ETV1: variants seen among roughly 807,000 people sequenced by gnomAD.
The protein encoded by ETV1 is ETS translocation variant 1.
In ETV1, 27 loss-of-function variants were observed where a neutral mutation model predicts 62.3. The observed-to-expected ratio is 0.43, with a 90% confidence interval of 0.32 to 0.60. The LOEUF is 0.60. ETV1 is among the 20% of genes least tolerant of loss of function. The probability of loss-of-function intolerance (pLI) is 0.06; values close to 1 mark genes in which losing one functional copy is unlikely to be tolerated. For synonymous variants in ETV1, 222 were observed against 199.6 expected, an observed-to-expected ratio of 1.11 and a Z score of -0.94; for missense variants, 605 against 605.8, an observed-to-expected ratio of 1.00 and a Z score of 0.01.
rs554295792 is a variant in ETV1 at position 13,964,933 on chromosome 7, C to A, written c.235+12494G>T. On this transcript the variant is annotated intron_variant, in intron 6 of 13. Coordinates refer to ENST00000430479, the MANE Select transcript of ETV1 (RefSeq NM_004956.5). Reference sequence around the variant, plus strand: ...ATCTTTAAATTAAAGGTGTTGATATCATTAATCTTTATCGTCTCAAGCTGC... The same window carrying A: ...ATCTTTAAATTAAAGGTGTTGATATAATTAATCTTTATCGTCTCAAGCTGC... 5.3e-5 allele frequency among the ~76,000 whole-genome samples: 8 copies of A among 152,140 alleles called. No individual in the cohort carries two copies. The East Asian group carries it at 9.7e-4, about 18-fold the overall frequency.
intron 9 of ETV1, among the ~76,000 whole-genome samples, chr7:13,917,836 C>T (rs374037412): frequency 3.3e-5 from 5 of 151,796 alleles, no homozygotes; most frequent in African/African-American, 4.8e-5. Flanking sequence ...TGGTGGCGGG[C>T]ACCAGTAGTC....
At chr7:13,986,305 C>T in intron 5 of ETV1, 1 of 1,503,060 alleles carries the variant, frequency 6.7e-7, no homozygotes, top group Non-Finnish European at 8.8e-7. Context: ...TAGGAGGTCT[C>T]TGGAGGTACA....
At chr7:13,917,899 G>T (rs1784368447) in intron 9 of ETV1, among the ~76,000 whole-genome samples, 1 of 151,914 alleles carries the variant, frequency 6.6e-6, no homozygotes, top group Non-Finnish European at 1.5e-5. Context: ...GGGAGGCGGA[G>T]CTTGCAGTGA....
chr7:13,895,956 C>G lies in ETV1; in HGVS notation c.1344G>C (p.Val448=), dbSNP rs1167045223. 6.2e-7 allele frequency: 1 copy of G among 1,613,664 alleles called. No homozygotes were observed. Among genetic ancestry groups the G allele is most frequent in the Admixed American group, 1.7e-5 (1 of 59,966 alleles). The change falls in exon 14 of 14, where the codon GTG becomes GTC. Residue 448 remains valine (V), a synonymous_variant. Coordinates refer to ENST00000430479, the MANE Select transcript of ETV1 (RefSeq NM_004956.5). ...MERHINEEDT[V]PLSHFDESMA... is the part of the protein sequence containing the mutation. ...TGCTCTCATCAAAGTGAGAAAGAGG[C>G]ACTGTGTCCTCCTCGTTGATGTGAC...
At position 13,895,735 on chromosome 7, in the gene ETV1, AG is replaced by A. The variant is rs1243175439; in HGVS notation, c.*130del. ...GACCATAGAATAATGCAACAGGAAA[AG>A]CCCCTTTTTGTGTATTATTATTTAA... On this transcript the variant is annotated 3_prime_UTR_variant, in exon 14 of 14. Coordinates refer to ENST00000430479, the MANE Select transcript of ETV1 (RefSeq NM_004956.5). 1 of 695,178 alleles carries A rather than the reference AG, an allele frequency of 1.4e-6. No homozygotes were observed. Among genetic ancestry groups the A allele is most frequent in the Non-Finnish European group, 2.4e-6 (1 of 409,834 alleles). The allele number at this position is 695,178 out of a possible 1,614,324, so 43.1% of individuals were successfully genotyped here.
At chr7:13,903,068 A>C (rs941557436) in intron 12 of ETV1, among the ~76,000 whole-genome samples, 3 of 152,176 alleles carry the variant, frequency 2.0e-5, no homozygotes, top group Non-Finnish European at 4.4e-5. Flanking sequence ...AAGAAAGTTC[A>C]TTCAGCCTTC....
intron 3 of ETV1, 57 bp from the exon 4 acceptor site, chr7:13,988,230 GCACACGCGCGCGCACACACACA>G (rs913086800): frequency 1.5e-5 from 15 of 984,100 alleles, no homozygotes; most frequent in Non-Finnish European, 2.2e-5. Flanking sequence ...TCACACACAC[GCACACGCGCGCGCACACACACA>G]CACACAGACA....
rs747764806 is a variant in ETV1 at position 13,895,922 on chromosome 7, T to C, written c.1378A>G (p.Met460Val). Residue 460 changes from methionine (M) to valine (V), a missense_variant, in exon 14 of 14, where the codon ATG (methionine) becomes GTG (valine). Transcript: ENST00000430479. ...GGGTTGCAGCAGCCCCCTTCCGGCA[T>C]GTAGGCCATGCTCTCATCAAAGTGA... The part of the protein sequence containing the change: ...LSHFDESMAY[M>V]PEGGCCNPHP... The C allele has an allele frequency of 6.2e-6, 10 of 1,613,792 alleles. No individual in the cohort carries two copies. The South Asian group carries it at 1.1e-4, about 18-fold the overall frequency.
At chr7:13,899,364 AC>A (rs1315560597) in intron 13 of ETV1, among the ~76,000 whole-genome samples, 52 of 152,326 alleles carry the variant, frequency 3.4e-4, no homozygotes, top group Non-Finnish European at 1.0e-4. Context: ...ACAGGAAGCA[AC>A]TGAAAATCGA....
intron 6 of ETV1, among the ~76,000 whole-genome samples, chr7:13,951,786 T>C (rs932532895): frequency 6.6e-6 from 1 of 152,168 alleles, no homozygotes; most frequent in African/African-American, 2.4e-5. Context: ...CCCACAGAAC[T>C]TCCTCATGGG....
At chr7:13,904,268 T>C (rs182974459) in intron 12 of ETV1, among the ~76,000 whole-genome samples, 1 of 152,232 alleles carries the variant, frequency 6.6e-6, no homozygotes, top group African/African-American at 2.4e-5. Flanking sequence ...ACAATTCCCA[T>C]TGAGTTGGTT....
chr7:13,912,583 C>CA (rs1783671109), intron 9 of ETV1, among the ~76,000 whole-genome samples: 2 of 152,092 alleles, frequency 1.3e-5, no homozygotes, highest in African/African-American at 4.8e-5. Flanking sequence ...CTTGTGAACT[C>CA]AAAAAAGCAA....
At chr7:13,918,839 C>G (rs1224133805) in intron 9 of ETV1, among the ~76,000 whole-genome samples, 4 of 137,336 alleles carry the variant, frequency 2.9e-5, no homozygotes, top group African/African-American at 1.1e-4. Context: ...CTAACCTGCA[C>G]AATGTGCACA....
chr7:13,986,207 T>G (rs1252384155), intron 5 of ETV1: 1 of 1,572,172 alleles, frequency 6.4e-7, no homozygotes, highest in Non-Finnish European at 8.6e-7. Flanking sequence ...GAAACTAATT[T>G]CTGCCATCAG....
chr7:13,953,744 C>T (rs1250181151), intron 6 of ETV1, among the ~76,000 whole-genome samples: 1 of 151,902 alleles, frequency 6.6e-6, no homozygotes, highest in Non-Finnish European at 1.5e-5. Context: ...CACCAGGATG[C>T]CAGAACAAAT....
chr7:13,896,636 T>A (rs1781804084), intron 13 of ETV1, among the ~76,000 whole-genome samples: 1 of 128,162 alleles, frequency 7.8e-6, no homozygotes, highest in African/African-American at 3.0e-5. Flanking sequence ...TTTTTCTTTT[T>A]TGGCAGTGTG....
At chr7:13,973,841 G>A (rs1403569222) in intron 6 of ETV1, among the ~76,000 whole-genome samples, 1 of 152,082 alleles carries the variant, frequency 6.6e-6, no homozygotes, top group Non-Finnish European at 1.5e-5. Context: ...AGTTTTCCCA[G>A]AATGAGACTA....
chr7:13,930,662 C>G (rs866779305), intron 9 of ETV1, among the ~76,000 whole-genome samples: 6 of 152,036 alleles, frequency 3.9e-5, no homozygotes, highest in East Asian at 1.9e-4. Context: ...CCCACTCCCC[C>G]ACTTGACCCG....
At chr7:13,923,241 C>T in intron 9 of ETV1, among the ~76,000 whole-genome samples, 1 of 152,170 alleles carries the variant, frequency 6.6e-6, no homozygotes, top group East Asian at 1.9e-4. Context: ...CTACAAGTTT[C>T]ACTTTCAAAC....
Sources: gnomAD v4.1 joint callset for allele counts (sites outside exome capture counted in the v4.1 genomes callset) on GRCh38, gnomAD v4.1.1 for gene constraint, MANE v1.5 for transcripts, NCBI Gene and HGNC (gene_info 2026-07-23, HGNC 2026-07-21) for gene names.